Variants in ABR observed in about 807,000 individuals in gnomAD.
The protein encoded by ABR is ABR activator of RhoGEF and GTPase, also known as active breakpoint cluster region-related protein.
Under a neutral mutation model 107.2 loss-of-function variants are expected in ABR, and 35 were observed. That is an observed-to-expected ratio of 0.33 (90% CI 0.25 to 0.43). The LOEUF (loss-of-function observed/expected upper bound fraction) is 0.43. Ranked by LOEUF, ABR falls within the 20% of genes least tolerant of loss-of-function variation. The pLI is 1.00. For missense variants in ABR, 815 were observed against 1,115.2 expected (o/e 0.73, Z 3.83); for synonymous variants, 498 against 462.0 (o/e 1.08, Z -1.00).
At chr17:1,132,088 C>T (rs930649978) in intron 1 of ABR, among the ~76,000 whole-genome samples, 2 of 152,270 alleles carry the variant, frequency 1.3e-5, no homozygotes, top group Admixed American at 1.3e-4. Context: ...CGCGGTGGCT[C>T]ACGCCTGTCA....
chr17:1,225,804 G>C (rs990135072), intron 1 of ABR, among the ~76,000 whole-genome samples: 2 of 152,162 alleles, frequency 1.3e-5, no homozygotes, highest in Admixed American at 6.5e-5. Context: ...CAGCAGGAGA[G>C]AAGAGGTGCT....
intron 16 of ABR, among the ~76,000 whole-genome samples, chr17:1,017,846 G>A (rs867929460): frequency 1.3e-5 from 2 of 151,568 alleles, no homozygotes; most frequent in South Asian, 2.1e-4. Context: ...CAGGTGGTCC[G>A]CCCACCTTGG....
At chr17:1,173,853 T>G (rs1205487645) in intron 1 of ABR, among the ~76,000 whole-genome samples, 1 of 152,114 alleles carries the variant, frequency 6.6e-6, no homozygotes, top group African/African-American at 2.4e-5. Context: ...TGTGCCGGCC[T>G]CTCCCAGTCC....
chr17:1,050,447 G>A lies in ABR; in HGVS notation c.1659+90C>T, dbSNP rs1246179493. On this transcript the variant is annotated intron_variant, in intron 15 of 22. Coordinates refer to ENST00000302538, the MANE Select transcript of ABR (RefSeq NM_021962.5). The surrounding 1 kb of genome is among the most constrained non-coding windows in gnomAD (Gnocchi z 4.6). Reference sequence around the variant, plus strand: ...AGAAAGGGGGGTGCAGACATAGCTGGTCCAACCAATGGGCTGGCCGTCCCC... The same window carrying A: ...AGAAAGGGGGGTGCAGACATAGCTGATCCAACCAATGGGCTGGCCGTCCCC... The A allele has an allele frequency of 3.9e-6, 5 of 1,265,932 alleles. No homozygotes were observed. The highest frequency in any genetic ancestry group is 1.5e-5 in the African/African-American group (1 of 68,174). 78.4% of individuals were successfully genotyped at this position (1,265,932 alleles called of 1,614,324 possible). A position where few individuals can be genotyped will look rare whatever the true frequency, so the allele number is the denominator to read the frequency against.
chr17:1,151,149 T>A (rs1023212904), intron 1 of ABR, among the ~76,000 whole-genome samples: 1 of 152,098 alleles, frequency 6.6e-6, no homozygotes, highest in African/African-American at 2.4e-5. Context: ...GCACCCAAGT[T>A]CACAGGGTTT....
upstream of ABR, among the ~76,000 whole-genome samples, chr17:1,180,108 G>A (rs1250734271): frequency 1.3e-5 from 2 of 151,016 alleles, no homozygotes; most frequent in African/African-American, 2.4e-5. Flanking sequence ...CCCTCCGCAG[G>A]ACGCCCCCGG....
intron 10 of ABR, among the ~76,000 whole-genome samples, chr17:1,066,037 G>A (rs962028798): frequency 2.6e-5 from 4 of 151,980 alleles, no homozygotes; most frequent in Admixed American, 1.3e-4. Flanking sequence ...GATCCACCAC[G>A]CCTGGATAAT....
chr17:1,050,397 A>G lies in ABR; in HGVS notation c.1659+140T>C. On this transcript the variant is annotated intron_variant, in intron 15 of 22. Transcript: ENST00000302538. The surrounding 1 kb of genome is among the most constrained non-coding windows in gnomAD (Gnocchi z 4.6). ...GTCTGACACCCAGACACACACCGCGATCAGAAGCCAGAGGAGCAGGGAGCA... is the reference window on the plus strand; with the variant it reads ...GTCTGACACCCAGACACACACCGCGGTCAGAAGCCAGAGGAGCAGGGAGCA... The G allele has an allele frequency of 1.0e-6, 1 of 977,688 alleles. No homozygotes were observed. Among genetic ancestry groups the G allele is most frequent in the East Asian group, 2.5e-5 (1 of 39,586 alleles). The allele number at this position is 977,688 out of a possible 1,614,324, so 60.6% of individuals were successfully genotyped here.
chr17:1,061,057 C>T (rs774706796), intron 10 of ABR, among the ~76,000 whole-genome samples: 4 of 152,196 alleles, frequency 2.6e-5, no homozygotes, highest in Non-Finnish European at 5.9e-5. Context: ...GAGGACGGCA[C>T]CTGTGCCTCT....
At chr17:1,147,943 C>T (rs1354102011) in intron 1 of ABR, among the ~76,000 whole-genome samples, 2 of 152,184 alleles carry the variant, frequency 1.3e-5, no homozygotes, top group Non-Finnish European at 2.9e-5. Flanking sequence ...AAGTAAGTGC[C>T]AGGAGCACCA....
At chr17:1,191,354 CTTTTTTTTTT>C (rs761910557), upstream of ABR, among the ~76,000 whole-genome samples, 2 of 96,490 alleles carry the variant, frequency 2.1e-5, no homozygotes, top group African/African-American at 4.0e-5. Flanking sequence ...TTTTTCTTTT[CTTTTTTTTTT>C]TTTTTTTTTT....
chr17:1,183,392 C>T (rs2042194608), upstream of ABR, among the ~76,000 whole-genome samples: 1 of 152,092 alleles, frequency 6.6e-6, no homozygotes, highest in Non-Finnish European at 1.5e-5. Context: ...CATCACTGGA[C>T]TTAAAGGGGA....
chr17:1,058,133 TATC>T (rs368777045), intron 11 of ABR, 88 bp from the exon 12 acceptor site: 3 of 582,908 alleles, frequency 5.1e-6, no homozygotes, highest in South Asian at 1.9e-5. Context: ...AAGCTCCTTT[TATC>T]TTTTTTTTTT....
chr17:1,134,580 T>G (rs2039978336), intron 1 of ABR, among the ~76,000 whole-genome samples: 1 of 152,146 alleles, frequency 6.6e-6, no homozygotes, highest in African/African-American at 2.4e-5. Flanking sequence ...AATGAACACA[T>G]TTCCAAATGA....
intron 2 of ABR, among the ~76,000 whole-genome samples, chr17:1,104,860 GCTGT>G (rs2038137900): frequency 6.6e-6 from 1 of 152,194 alleles, no homozygotes; most frequent in Non-Finnish European, 1.5e-5. Context: ...GCTCCCTATT[GCTGT>G]CTGAGGTCTT....
chr17:1,017,023 G>A (rs992449379), intron 16 of ABR, among the ~76,000 whole-genome samples: 1 of 151,984 alleles, frequency 6.6e-6, no homozygotes, highest in African/African-American at 2.4e-5. Context: ...CTCCGACGGG[G>A]TCTGGGTCTG....
At chr17:1,139,111 CT>C in intron 1 of ABR, among the ~76,000 whole-genome samples, 1 of 151,156 alleles carries the variant, frequency 6.6e-6, no homozygotes, top group Non-Finnish European at 1.5e-5. Flanking sequence ...AGGAATTTCT[CT>C]TTCTTTTTTC....
rs1456136584 is a variant in ABR, at chr17:1,009,863, C to A, written c.2237-79G>T. On this transcript the variant is annotated intron_variant, in intron 20 of 22. Transcript: ENST00000302538. ...GCCCCTGTGGTCGTGAGGCTGTGGGCCCCTGCGGGAGAGAGCCCAGGCTTC... is the reference window on the plus strand; with the variant it reads ...GCCCCTGTGGTCGTGAGGCTGTGGGACCCTGCGGGAGAGAGCCCAGGCTTC... 2.3e-6 allele frequency: 3 copies of A among 1,304,798 alleles called. 1 individual carries two copies. Among genetic ancestry groups the A allele is most frequent in the South Asian group, 2.4e-5 (2 of 84,360 alleles). 80.8% of individuals were successfully genotyped at this position (1,304,798 alleles called of 1,614,324 possible). A position where few individuals can be genotyped will look rare whatever the true frequency, so the allele number is the denominator to read the frequency against.
chr17:1,012,330 C>T (rs1222105107), intron 18 of ABR: 2 of 641,028 alleles, frequency 3.1e-6, no homozygotes, highest in East Asian at 3.2e-5. Context: ...GACAAGGGGC[C>T]AGGGTGGTGG....
Sources: allele counts gnomAD v4.1 joint callset (sites outside exome capture counted in the v4.1 genomes callset), GRCh38; gene constraint gnomAD v4.1.1; non-coding constraint Gnocchi (gnomAD v3.1); transcripts MANE v1.5; gene names NCBI Gene and HGNC (gene_info 2026-07-23, HGNC 2026-07-21).